DLC1: variants seen among roughly 807,000 people sequenced by gnomAD.
The protein encoded by DLC1 is rho GTPase-activating protein 7.
A neutral mutation model predicts 140.3 loss-of-function variants in DLC1; 54 were observed. The ratio of observed to expected loss-of-function variants is 0.38; its 90% CI spans 0.31 to 0.48. DLC1 has a LOEUF of 0.48. Ranked by LOEUF, DLC1 falls within the 20% of genes least tolerant of loss-of-function variation. The pLI is 0.96. For missense variants in DLC1, 2,536 were observed against 1,907.0 expected, an observed-to-expected ratio of 1.33 and a Z score of -6.14; for synonymous variants, 986 against 728.1, an observed-to-expected ratio of 1.35 and a Z score of -5.70.
chr8:13,112,200 A>G (rs973251398), intron 6 of DLC1, among the ~76,000 whole-genome samples: 1 of 152,216 alleles, frequency 6.6e-6, no homozygotes, highest in African/African-American at 2.4e-5. Flanking sequence ...CAAAATGGCT[A>G]ATGCCACACA....
intron 4 of DLC1, among the ~76,000 whole-genome samples, chr8:13,393,174 C>T (rs563347320): frequency 9.2e-5 from 14 of 152,118 alleles, no homozygotes; most frequent in South Asian, 2.1e-4. Flanking sequence ...CATCATCTGT[C>T]GTCTATCATT....
intron 2 of DLC1, among the ~76,000 whole-genome samples, chr8:13,493,763 T>C (rs1409770809): frequency 6.6e-6 from 1 of 152,212 alleles, no homozygotes; most frequent in Non-Finnish European, 1.5e-5. Flanking sequence ...CTTTGGTTCA[T>C]TCCATTTTCT....
At chr8:13,435,174 A>G (rs1327335467) in intron 2 of DLC1, among the ~76,000 whole-genome samples, 1 of 152,302 alleles carries the variant, frequency 6.6e-6, no homozygotes, top group African/African-American at 2.4e-5. Context: ...GGAGAATTTG[A>G]TTCCAATCCT....
intron 5 of DLC1, among the ~76,000 whole-genome samples, chr8:13,154,603 A>T (rs1563116193): frequency 6.6e-6 from 1 of 152,170 alleles, no homozygotes; most frequent in Non-Finnish European, 1.5e-5. Context: ...CGGCAAGCAG[A>T]GGGAGCTGGC....
intron 5 of DLC1, among the ~76,000 whole-genome samples, chr8:13,302,114 G>T (rs1832223946): frequency 6.6e-6 from 1 of 152,162 alleles, no homozygotes; most frequent in Admixed American, 6.5e-5. Flanking sequence ...TCCTAAGAAG[G>T]CACATTCTCA....
chr8:13,181,327 CTTT>C (rs1826022423), intron 5 of DLC1, among the ~76,000 whole-genome samples: 1 of 143,502 alleles, frequency 7.0e-6, no homozygotes. Flanking sequence ...TTTTTTTTTT[CTTT>C]CTTTCTTTTT....
chr8:13,358,704 T>C (rs1192030480), intron 4 of DLC1, among the ~76,000 whole-genome samples: 1 of 151,684 alleles, frequency 6.6e-6, no homozygotes, highest in African/African-American at 2.4e-5. Context: ...AAAAAAATGC[T>C]AACAAAGATA....
chr8:13,386,898 G>A (rs1425248492), intron 4 of DLC1, among the ~76,000 whole-genome samples: 1 of 151,872 alleles, frequency 6.6e-6, no homozygotes, highest in Non-Finnish European at 1.5e-5. Context: ...ACCAACAGAA[G>A]CAAATCTTTC....
chr8:13,390,023 C>G (rs570752133), intron 4 of DLC1, among the ~76,000 whole-genome samples: 2 of 152,244 alleles, frequency 1.3e-5, no homozygotes, highest in African/African-American at 4.8e-5. Flanking sequence ...AGTATCTAGA[C>G]TGTTATTACA....
At position 13,087,127 on chromosome 8, in the gene DLC1, T is replaced by C. The variant is rs181181121; in HGVS notation, c.4293-664A>G. ...GCAAAAAGACCCTCATTAGGCATGG[T>C]GGGTGGCCCATGCCTGTAATCCCGG... On this transcript the variant is annotated intron_variant, in intron 16 of 17. Transcript: ENST00000276297. Among the ~76,000 whole-genome samples the C allele has an allele frequency of 2.3e-3, 352 of 152,288 alleles. 1 individual carries two copies. The highest frequency in any genetic ancestry group is 3.1e-3 in the Non-Finnish European group (214 of 68,026).
chr8:13,413,256 ATTTTTT>A lies in DLC1; in HGVS notation c.1024-11643_1024-11638del, dbSNP rs58038503. ...TAAAACATTATGAGATTTTTTTGCGATTTTTTTTTTTTTTTTTTTTTAGCTCATCAA... is the reference window on the plus strand; with the variant it reads ...TAAAACATTATGAGATTTTTTTGCGATTTTTTTTTTTTTTTAGCTCATCAA... On this transcript the variant is annotated intron_variant, in intron 2 of 17. Transcript: ENST00000276297. 5.5e-4 allele frequency among the ~76,000 whole-genome samples: 45 copies of A among 82,020 alleles called. 2 individuals are homozygous for A. The Admixed American group carries it at 6.0e-3, about 11-fold the overall frequency. 53.8% of individuals were successfully genotyped at this position (82,020 alleles called of 152,430 possible). A position where few individuals can be genotyped will look rare whatever the true frequency, so the allele number is the denominator to read the frequency against.
intron 4 of DLC1, among the ~76,000 whole-genome samples, chr8:13,378,387 T>C (rs1836095226): frequency 6.6e-6 from 1 of 151,862 alleles, no homozygotes; most frequent in Non-Finnish European, 1.5e-5. Context: ...TCAAATATAG[T>C]GTTTGAAAAG....
intron 5 of DLC1, among the ~76,000 whole-genome samples, chr8:13,283,010 A>C (rs977969682): frequency 1.6e-4 from 25 of 152,316 alleles, no homozygotes; most frequent in African/African-American, 6.0e-4. Context: ...ACCATCTCAA[A>C]AAACATACCT....
chr8:13,100,889 GATTTTA>G lies in DLC1; in HGVS notation c.1567-125_1567-120del, dbSNP rs1400773294. 4 of 833,894 alleles carry G rather than the reference GATTTTA, an allele frequency of 4.8e-6. No individual in the cohort carries two copies. The Admixed American group carries it at 1.6e-4, about 34-fold the overall frequency. The allele number at this position is 833,894 out of a possible 1,614,324, so 51.7% of individuals were successfully genotyped here. A position where few individuals can be genotyped will look rare whatever the true frequency, so the allele number is the denominator to read the frequency against. On this transcript the variant is annotated intron_variant, in intron 8 of 17. Coordinates refer to ENST00000276297, the MANE Select transcript of DLC1 (RefSeq NM_182643.3). ...TATCAATTTCCCCCTTGTACTTCAT[GATTTTA>G]ATTTTAAAGTTTTTTTTTTTTTTTT... is the stretch of plus-strand genomic sequence containing the variant.
At position 13,385,969 on chromosome 8, in the gene DLC1, G is replaced by C. The variant is rs150912317; in HGVS notation, c.1314+7584C>G. 1.4e-4 allele frequency among the ~76,000 whole-genome samples: 21 copies of C among 152,274 alleles called. No individual in the cohort carries two copies. In the East Asian group the frequency reaches 3.7e-3, roughly 27 times the overall value. ...TGAAGACTGTGAAAATGGCTTACCA[G>C]TTATTATTACTCCTCAGTGCTATGA... On this transcript the variant is annotated intron_variant, in intron 4 of 17. Coordinates refer to ENST00000276297, the MANE Select transcript of DLC1 (RefSeq NM_182643.3).
chr8:13,437,798 A>T (rs771311520), intron 2 of DLC1, among the ~76,000 whole-genome samples: 32 of 152,162 alleles, frequency 2.1e-4, no homozygotes, highest in African/African-American at 7.0e-4. Flanking sequence ...TCATAAATGG[A>T]GTACAAATTG....
chr8:13,411,209 A>G (rs62492180), intron 2 of DLC1, among the ~76,000 whole-genome samples: 85,510 of 152,060 alleles, frequency 0.56, 24,535 homozygotes, highest in East Asian at 0.82. Context: ...GTACATTTAG[A>G]CAAAAAACAT....
intron 1 of DLC1, among the ~76,000 whole-genome samples, chr8:13,602,684 A>C (rs1049506764): frequency 6.6e-6 from 1 of 151,922 alleles, no homozygotes; most frequent in African/African-American, 2.4e-5. Context: ...ATTTTTATGT[A>C]TCTTAAAAAG....
chr8:13,479,549 A>G (rs561957036), intron 2 of DLC1, among the ~76,000 whole-genome samples: 21 of 152,298 alleles, frequency 1.4e-4, no homozygotes, highest in South Asian at 4.1e-4. Context: ...GAAAGATTTT[A>G]GTTAACATTA....
Sources: gnomAD v4.1 joint callset for allele counts (sites outside exome capture counted in the v4.1 genomes callset) on GRCh38, gnomAD v4.1.1 for gene constraint, MANE v1.5 for transcripts, NCBI Gene and HGNC (gene_info 2026-07-23, HGNC 2026-07-21) for gene names.